Variants in ANAPC10 observed in about 807,000 individuals in gnomAD.
ANAPC10 encodes anaphase promoting complex subunit 10.
In ANAPC10, 12 loss-of-function variants were observed where a neutral mutation model predicts 22.0. That is an observed-to-expected ratio of 0.55 (90% CI 0.35 to 0.88). The LOEUF (loss-of-function observed/expected upper bound fraction) is 0.88, where lower values mean the gene tolerates loss of function less well. Among genes scored for constraint, ANAPC10 ranks in the 40% least tolerant of loss-of-function variants. The pLI is 0.01. For synonymous variants in ANAPC10, 65 were observed against 69.5 expected, an observed-to-expected ratio of 0.94 and a Z score of 0.32; for missense variants, 188 against 220.9, an observed-to-expected ratio of 0.85 and a Z score of 0.94.
intron 4 of ANAPC10, among the ~76,000 whole-genome samples, chr4:145,026,215 C>T (rs372063941): frequency 2.4e-4 from 36 of 152,260 alleles, no homozygotes; most frequent in African/African-American, 8.2e-4. Context: ...AAGACCTATA[C>T]ATAATGATGT....
intron 2 of ANAPC10, among the ~76,000 whole-genome samples, chr4:145,095,292 T>C (rs1748338271): frequency 6.6e-6 from 1 of 152,184 alleles, no homozygotes; most frequent in African/African-American, 2.4e-5. Context: ...TTGGTAAGTT[T>C]TAAACTGTGT....
At chr4:145,079,986 C>T (rs527570958) in intron 3 of ANAPC10, among the ~76,000 whole-genome samples, 1 of 151,904 alleles carries the variant, frequency 6.6e-6, no homozygotes, top group South Asian at 2.1e-4. Context: ...TGGTGGCAGG[C>T]ACCTGTAATC....
intron 4 of ANAPC10, among the ~76,000 whole-genome samples, chr4:145,053,485 A>G (rs1298544258): frequency 1.3e-5 from 2 of 152,226 alleles, no homozygotes; most frequent in African/African-American, 2.4e-5. Context: ...GCTAATTATC[A>G]TTATTAATTA....
At chr4:145,082,917 T>C (rs1250378310) in intron 2 of ANAPC10, among the ~76,000 whole-genome samples, 1 of 152,204 alleles carries the variant, frequency 6.6e-6, no homozygotes, top group Non-Finnish European at 1.5e-5. Context: ...AAAGTCACTA[T>C]CTACCATCTC....
intron 4 of ANAPC10, among the ~76,000 whole-genome samples, chr4:145,048,154 A>G (rs1009800033): frequency 2.6e-5 from 4 of 152,156 alleles, no homozygotes; most frequent in Admixed American, 2.6e-4. Context: ...ACGCCCCTCC[A>G]CTATCTTTAA....
At chr4:145,085,231 T>C (rs1032386329) in intron 2 of ANAPC10, among the ~76,000 whole-genome samples, 7 of 152,112 alleles carry the variant, frequency 4.6e-5, no homozygotes, top group African/African-American at 1.7e-4. Context: ...CACTCTAGCC[T>C]GGGCAACAGT....
intron 4 of ANAPC10, among the ~76,000 whole-genome samples, chr4:145,023,865 C>T (rs961188058): frequency 6.6e-6 from 1 of 152,110 alleles, no homozygotes; most frequent in African/African-American, 2.4e-5. Flanking sequence ...ATTGACTCTT[C>T]CTTTCATGGA....
chr4:145,075,230 A>G (rs1403153537), intron 3 of ANAPC10, among the ~76,000 whole-genome samples: 1 of 152,200 alleles, frequency 6.6e-6, no homozygotes, highest in Non-Finnish European at 1.5e-5. Flanking sequence ...CTGCTTAAAT[A>G]TCTTTCACAC....
intron 2 of ANAPC10, among the ~76,000 whole-genome samples, chr4:145,091,624 T>C (rs995930151): frequency 6.6e-6 from 1 of 152,300 alleles, no homozygotes; most frequent in East Asian, 1.9e-4. Context: ...TGATTCCACA[T>C]CTTTGCTATT....
intron 4 of ANAPC10, among the ~76,000 whole-genome samples, chr4:145,002,090 A>G (rs554320974): frequency 5.6e-4 from 86 of 152,290 alleles, no homozygotes; most frequent in African/African-American, 1.9e-3. Context: ...TTTACTAACC[A>G]TATCTGTGAC....
intron 4 of ANAPC10, among the ~76,000 whole-genome samples, chr4:145,019,968 C>G (rs996470418): frequency 2.0e-5 from 3 of 151,866 alleles, no homozygotes; most frequent in African/African-American, 7.3e-5. Context: ...AAAAAAAAGG[C>G]CAGGCCCAGA....
rs1255464599 is a variant in ANAPC10 at position 144,995,140 on chromosome 4, T to C, written c.*233A>G. 3.4e-6 allele frequency: 1 copy of C among 294,434 alleles called. No individual in the cohort carries two copies. The highest frequency in any genetic ancestry group is 6.2e-6 in the Non-Finnish European group (1 of 160,230). 18.2% of individuals were successfully genotyped at this position (294,434 alleles called of 1,614,324 possible). ...TCTTTTGATACAAGGGAAAATAAAA[T>C]GATTGGCTTCAAATCCATTTTTAGT... is the stretch of plus-strand genomic sequence containing the variant. On this transcript the variant is annotated 3_prime_UTR_variant, in exon 5 of 5. Coordinates refer to ENST00000507656, the MANE Select transcript of ANAPC10 (RefSeq NM_001256706.2).
intron 3 of ANAPC10, among the ~76,000 whole-genome samples, chr4:145,074,352 T>C (rs920020007): frequency 2.0e-5 from 3 of 152,200 alleles, no homozygotes; most frequent in Admixed American, 6.5e-5. Flanking sequence ...TTTAATTATG[T>C]AATAGGTAAG....
At chr4:145,002,615 T>C (rs571136945) in intron 4 of ANAPC10, among the ~76,000 whole-genome samples, 2 of 152,166 alleles carry the variant, frequency 1.3e-5, no homozygotes, top group South Asian at 2.1e-4. Flanking sequence ...CTCATCTGCA[T>C]GACAATTCTG....
chr4:145,058,572 C>G (rs1742413624), intron 4 of ANAPC10, among the ~76,000 whole-genome samples: 1 of 152,168 alleles, frequency 6.6e-6, no homozygotes. Context: ...TGGCACTTAG[C>G]AGGCCCTACA....
At chr4:145,047,324 G>A (rs1579026454) in intron 4 of ANAPC10, among the ~76,000 whole-genome samples, 2 of 152,034 alleles carry the variant, frequency 1.3e-5, no homozygotes, top group Non-Finnish European at 2.9e-5. Flanking sequence ...CAGATTGCAG[G>A]TTATGAAACA....
rs552901471 is a variant in ANAPC10 at position 144,996,735 on chromosome 4, C to CT, written c.328-1133dup. Among the ~76,000 whole-genome samples, 514 of 152,304 alleles carry CT rather than the reference C, an allele frequency of 3.4e-3. 3 individuals are homozygous for CT. The highest frequency in any genetic ancestry group is 0.017 in the Middle Eastern group (5 of 294). On this transcript the variant is annotated intron_variant, in intron 4 of 4. Coordinates refer to ENST00000507656, the MANE Select transcript of ANAPC10 (RefSeq NM_001256706.2). ...CGGAACAAAGCTGGACGGAGAATGA[C>CT]TTTGACGAGTTGAGAGAAGAAGGCT...
intron 3 of ANAPC10, 27 bp from the exon 4 acceptor site, chr4:145,064,719 T>A: frequency 1.3e-6 from 2 of 1,488,740 alleles, no homozygotes; most frequent in Non-Finnish European, 1.8e-6. Context: ...AAAAATAACA[T>A]GCACTTCATC....
intron 4 of ANAPC10, among the ~76,000 whole-genome samples, chr4:144,996,540 T>C (rs1731639846): frequency 6.6e-6 from 1 of 152,140 alleles, no homozygotes; most frequent in Non-Finnish European, 1.5e-5. Context: ...CCCCACAGCT[T>C]CTTGTCCATG....
Sources: gnomAD v4.1 joint callset for allele counts (sites outside exome capture counted in the v4.1 genomes callset) on GRCh38, gnomAD v4.1.1 for gene constraint, MANE v1.5 for transcripts, NCBI Gene and HGNC (gene_info 2026-07-23, HGNC 2026-07-21) for gene names.